Variants in MAP4K4 observed in about 807,000 individuals in gnomAD.
MAP4K4 encodes mitogen-activated protein kinase kinase kinase kinase 4.
Under a neutral mutation model 189.6 loss-of-function variants are expected in MAP4K4, and 38 were observed. The ratio of observed to expected loss-of-function variants is 0.20; its 90% CI spans 0.15 to 0.26. The LOEUF is 0.26. Among genes scored for constraint, MAP4K4 ranks in the 10% least tolerant of loss-of-function variants. The probability of loss-of-function intolerance (pLI) is 1.00; values close to 1 mark genes in which losing one functional copy is unlikely to be tolerated. For missense variants in MAP4K4, 1,054 were observed against 1,726.9 expected, an observed-to-expected ratio of 0.61 and a Z score of 6.91; for synonymous variants, 610 against 624.3, an observed-to-expected ratio of 0.98 and a Z score of 0.34.
At chr2:101,784,308 G>T (rs1280586791) in intron 2 of MAP4K4, among the ~76,000 whole-genome samples, 2 of 149,176 alleles carry the variant, frequency 1.3e-5, no homozygotes, top group East Asian at 3.9e-4. Context: ...GTGTGTGTGT[G>T]TTTTTAAACA....
chr2:101,758,752 A>G (rs2074214978), intron 2 of MAP4K4, among the ~76,000 whole-genome samples: 1 of 152,208 alleles, frequency 6.6e-6, no homozygotes, highest in African/African-American at 2.4e-5. Context: ...GAATATAGGC[A>G]TTAGAAATAA....
At chr2:101,858,607 C>CTAAT (rs10656091) in intron 13 of MAP4K4, among the ~76,000 whole-genome samples, 13,944 of 152,164 alleles carry the variant, frequency 0.092, 1,797 homozygotes, top group African/African-American at 0.29. Flanking sequence ...CAAATAATGA[C>CTAAT]TAATAAGCAG....
At chr2:101,703,103 G>C (rs1163870289) in intron 2 of MAP4K4, among the ~76,000 whole-genome samples, 1 of 152,138 alleles carries the variant, frequency 6.6e-6, no homozygotes, top group Non-Finnish European at 1.5e-5. Flanking sequence ...GGATCCCTTA[G>C]AGTAGGGGAC....
At chr2:101,719,089 G>C (rs958513578) in intron 2 of MAP4K4, among the ~76,000 whole-genome samples, 1 of 152,168 alleles carries the variant, frequency 6.6e-6, no homozygotes, top group Non-Finnish European at 1.5e-5. Context: ...TGTAGGAAGA[G>C]GTGTTAGAGA....
intron 12 of MAP4K4, among the ~76,000 whole-genome samples, chr2:101,849,320 G>T (rs1181852750): frequency 2.0e-5 from 3 of 152,038 alleles, no homozygotes; most frequent in African/African-American, 7.2e-5. Flanking sequence ...TAGAGATGGG[G>T]TTTCACCATT....
chr2:101,765,117 A>G (rs894732693), intron 2 of MAP4K4, among the ~76,000 whole-genome samples: 1 of 152,162 alleles, frequency 6.6e-6, no homozygotes, highest in Non-Finnish European at 1.5e-5. Context: ...GAGACCTTCC[A>G]TAAGGCAACT....
At chr2:101,718,607 G>T (rs2049910333) in intron 2 of MAP4K4, among the ~76,000 whole-genome samples, 1 of 132,508 alleles carries the variant, frequency 7.5e-6, no homozygotes, top group African/African-American at 2.8e-5. Flanking sequence ...GGGGGATGGG[G>T]GGTGGGGTGG....
intron 2 of MAP4K4, among the ~76,000 whole-genome samples, chr2:101,772,524 C>G (rs141758861): frequency 4.6e-5 from 7 of 152,218 alleles, no homozygotes; most frequent in African/African-American, 1.7e-4. Context: ...TTCCAAAGAC[C>G]TAAATGAAAT....
At chr2:101,873,136 T>C (rs143755705) in intron 24 of MAP4K4, among the ~76,000 whole-genome samples, 1 of 152,312 alleles carries the variant, frequency 6.6e-6, no homozygotes, top group African/African-American at 2.4e-5. Context: ...ATGGGTTTAA[T>C]GGTGATGCAC....
rs1490498303 is a variant in MAP4K4, at chr2:101,812,176, T to C, written c.181-11752T>C. On this transcript the variant is annotated intron_variant, in intron 3 of 32. Coordinates refer to ENST00000324219, the Ensembl canonical transcript of MAP4K4. The stretch of plus-strand genomic sequence containing the variant: ...CTCCTTTATTCTGACAACTCCGTTC[T>C]TTTTCCTGCCACCCCATGAGAGTTC... Among the ~76,000 whole-genome samples the C allele has an allele frequency of 3.9e-5, 6 of 152,326 alleles. No individual in the cohort carries two copies. The East Asian group carries it at 1.2e-3, about 29-fold the overall frequency.
intron 13 of MAP4K4, 85 bp downstream of exon 13, chr2:101,856,223 C>T (rs2097450348): frequency 7.8e-7 from 1 of 1,282,606 alleles, no homozygotes; most frequent in African/African-American, 1.5e-5. Flanking sequence ...AGTATACACA[C>T]ATGTGATGCA....
At chr2:101,763,361 A>G (rs941136583) in intron 2 of MAP4K4, among the ~76,000 whole-genome samples, 1 of 152,250 alleles carries the variant, frequency 6.6e-6, no homozygotes, top group Non-Finnish European at 1.5e-5. Flanking sequence ...CAGTTAAGTT[A>G]TTAATATATA....
chr2:101,702,586 A>G (rs1028716164), intron 2 of MAP4K4, among the ~76,000 whole-genome samples: 2 of 152,144 alleles, frequency 1.3e-5, no homozygotes, highest in Admixed American at 6.6e-5. Context: ...AAGAAAAGAA[A>G]AGAAGATTGC....
At chr2:101,731,217 A>G (rs1246464796) in intron 2 of MAP4K4, among the ~76,000 whole-genome samples, 1 of 151,694 alleles carries the variant, frequency 6.6e-6, no homozygotes, top group African/African-American at 2.4e-5. Flanking sequence ...CCCAGATTCA[A>G]GTGATTCTAT....
exon 32 of MAP4K4, chr2:101,888,805 G>A (rs2098524833): frequency 3.7e-6 from 6 of 1,608,118 alleles, no homozygotes; most frequent in Middle Eastern, 3.3e-4. Flanking sequence ...GCATATATTC[G>A]ATCCAATCAG....
intron 9 of MAP4K4, among the ~76,000 whole-genome samples, chr2:101,836,827 G>A (rs945480176): frequency 2.6e-4 from 40 of 152,148 alleles, no homozygotes; most frequent in African/African-American, 9.4e-4. Context: ...GATACCCGCA[G>A]AGAGAGAGGA....
chr2:101,815,178 T>A (rs1284453612), intron 3 of MAP4K4, among the ~76,000 whole-genome samples: 1 of 152,366 alleles, frequency 6.6e-6, no homozygotes, highest in East Asian at 1.9e-4. Flanking sequence ...CAGTTTTTCG[T>A]ATGCGTGACT....
intron 28 of MAP4K4, among the ~76,000 whole-genome samples, chr2:101,884,350 C>T (rs1421337367): frequency 1.3e-5 from 2 of 152,176 alleles, no homozygotes; most frequent in African/African-American, 2.4e-5. Context: ...TTTCTATCAT[C>T]GCAGAAGTCT....
chr2:101,878,154 A>G (rs1276774583), intron 27 of MAP4K4, among the ~76,000 whole-genome samples: 1 of 152,242 alleles, frequency 6.6e-6, no homozygotes, highest in Non-Finnish European at 1.5e-5. Flanking sequence ...TCATCCAGAG[A>G]TCATATCTTT....
Sources: allele counts gnomAD v4.1 joint callset (sites outside exome capture counted in the v4.1 genomes callset), GRCh38; gene constraint gnomAD v4.1.1; transcripts MANE v1.5; gene names NCBI Gene and HGNC (gene_info 2026-07-23, HGNC 2026-07-21).